PDE1C: variants seen among roughly 807,000 people sequenced by gnomAD.
PDE1C encodes the protein phosphodiesterase 1C.
In PDE1C, 62 loss-of-function variants were observed where a neutral mutation model predicts 93.1. The observed-to-expected ratio is 0.67, with a 90% CI of 0.54 to 0.82. The LOEUF (loss-of-function observed/expected upper bound fraction) is 0.82. PDE1C is among the 40% of genes least tolerant of loss of function. The pLI is 0.00. For missense variants in PDE1C, 742 were observed against 884.6 expected, an observed-to-expected ratio of 0.84 and a Z score of 2.04; for synonymous variants, 325 against 310.1, an observed-to-expected ratio of 1.05 and a Z score of -0.50.
At chr7:32,354,264 C>T (rs2128083388) in intron 1 of PDE1C, among the ~76,000 whole-genome samples, 1 of 152,210 alleles carries the variant, frequency 6.6e-6, no homozygotes, top group South Asian at 2.1e-4. Flanking sequence ...CTCTTTTTCC[C>T]TTCATCAATC....
At chr7:31,876,551 G>A (rs935035722) in intron 5 of PDE1C, among the ~76,000 whole-genome samples, 5 of 152,178 alleles carry the variant, frequency 3.3e-5, no homozygotes, top group East Asian at 1.9e-4. Flanking sequence ...TTATGTTCCC[G>A]ATAAAGGAAA....
chr7:32,170,759 C>T (rs1802594544), intron 2 of PDE1C, among the ~76,000 whole-genome samples: 1 of 152,100 alleles, frequency 6.6e-6, no homozygotes, highest in Non-Finnish European at 1.5e-5. Flanking sequence ...TCCCTTGTCG[C>T]CCCACTCTCC....
At chr7:32,059,821 A>C (rs2128706690) in intron 1 of PDE1C, among the ~76,000 whole-genome samples, 1 of 152,354 alleles carries the variant, frequency 6.6e-6, no homozygotes. Context: ...GAAAATAGAA[A>C]GCAAATGTCA....
chr7:31,635,571 C>G, the PDE1C span, among the ~76,000 whole-genome samples: 1 of 152,182 alleles, frequency 6.6e-6, no homozygotes, highest in African/African-American at 2.4e-5. Context: ...AGTTATATCA[C>G]AAGTATACCT....
chr7:31,719,008 G>A, the PDE1C span, among the ~76,000 whole-genome samples: 1 of 152,180 alleles, frequency 6.6e-6, no homozygotes, highest in African/African-American at 2.4e-5. Context: ...TGCAGGCAAA[G>A]GCAGGCTGAG....
Position 31,896,086 on chromosome 7 carries a change from A to G in PDE1C, c.129-15226T>C, listed in dbSNP as rs952076911. The stretch of plus-strand genomic sequence containing the variant: ...AGGGTGAGCTCATGAAGGTCAGGTC[A>G]TACATAGGAAGTAAAGAAACCTCAG... On this transcript the variant is annotated intron_variant, in intron 2 of 17. Coordinates refer to ENST00000396191, the MANE Select transcript of PDE1C (RefSeq NM_001191057.4). 2.0e-5 allele frequency among the ~76,000 whole-genome samples: 3 copies of G among 152,166 alleles called. No individual in the cohort carries two copies. In the East Asian group the frequency reaches 5.8e-4, roughly 29 times the overall value.
chr7:32,237,083 C>CTTT (rs34122130), intron 1 of PDE1C, among the ~76,000 whole-genome samples: 158 of 121,916 alleles, frequency 1.3e-3, no homozygotes, highest in African/African-American at 4.7e-3. Flanking sequence ...ATGTAATATT[C>CTTT]TTTTTTTTTT....
At chr7:31,850,040 C>T (rs905987180) in intron 8 of PDE1C, among the ~76,000 whole-genome samples, 3 of 151,962 alleles carry the variant, frequency 2.0e-5, no homozygotes, top group Admixed American at 2.0e-4. Flanking sequence ...TTAATGTCTC[C>T]GACGGGAGGT....
chr7:32,005,578 A>AAAAAAAAAAAAAAAAAAAAAAC lies in PDE1C; in HGVS notation c.128+45975_128+45976insGTTTTTTTTTTTTTTTTTTTTT, dbSNP rs1204630246. On this transcript the variant is annotated intron_variant, in intron 2 of 17. Transcript: ENST00000396191. Reference sequence around the variant, plus strand: ...TTCAAAAAAAAAAAAAAAAAAAAAAAAAAGAATTGTGATCTGAGAAATCAC... The same window carrying AAAAAAAAAAAAAAAAAAAAAAC: ...TTCAAAAAAAAAAAAAAAAAAAAAAAAAAAAAAAAAAAAAAAAAAAACAAAGAATTGTGATCTGAGAAATCAC... Among the ~76,000 whole-genome samples the AAAAAAAAAAAAAAAAAAAAAAC allele has an allele frequency of 7.7e-5, 8 of 103,712 alleles. 2 individuals carry two copies. Among genetic ancestry groups the AAAAAAAAAAAAAAAAAAAAAAC allele is most frequent in the Admixed American group, 1.9e-4 (2 of 10,504 alleles). The allele number at this position is 103,712 out of a possible 152,430, so 68.0% of individuals were successfully genotyped here.
intron 2 of PDE1C, among the ~76,000 whole-genome samples, chr7:32,183,274 T>C (rs1411322149): frequency 6.6e-6 from 1 of 152,196 alleles, no homozygotes; most frequent in Non-Finnish European, 1.5e-5. Flanking sequence ...TACCAATGAC[T>C]TTCTTCACAG....
chr7:32,208,622 G>T (rs993280476), intron 2 of PDE1C, among the ~76,000 whole-genome samples: 1 of 152,140 alleles, frequency 6.6e-6, no homozygotes, highest in Non-Finnish European at 1.5e-5. Context: ...TGATAAATCC[G>T]TTTCTATTTA....
At position 31,752,879 on chromosome 7, in the gene PDE1C, C is replaced by T. The variant is rs1794206656; in HGVS notation, c.*505G>A. The T allele has an allele frequency of 6.6e-6, 1 of 152,124 alleles. No individual in the cohort carries two copies. The highest frequency in any genetic ancestry group is 6.5e-5 in the Admixed American group (1 of 15,270). 9.4% of individuals were successfully genotyped at this position (152,124 alleles called of 1,614,324 possible). On this transcript the variant is annotated 3_prime_UTR_variant, in exon 18 of 18. Transcript: ENST00000396191. ...AGAAGCACAACTTCTGTTTTGAATA[C>T]ATTTACTTTGATAGTTACATATTTA...
At chr7:32,278,299 T>C (rs1457175215) in intron 1 of PDE1C, among the ~76,000 whole-genome samples, 2 of 151,898 alleles carry the variant, frequency 1.3e-5, no homozygotes, top group Non-Finnish European at 2.9e-5. Flanking sequence ...GGGAAAGAAC[T>C]GGAAATTAAA....
intron 1 of PDE1C, among the ~76,000 whole-genome samples, chr7:32,332,977 T>C (rs1034198190): frequency 6.6e-6 from 1 of 152,180 alleles, no homozygotes; most frequent in African/African-American, 2.4e-5. Flanking sequence ...AGAGTCCATT[T>C]CATGAAAACC....
intron 3 of PDE1C, among the ~76,000 whole-genome samples, chr7:32,083,611 A>G (rs376888477): frequency 2.0e-5 from 3 of 152,194 alleles, no homozygotes; most frequent in Non-Finnish European, 4.4e-5. Flanking sequence ...GAAAGGTCGG[A>G]TTACCCACAA....
intron 2 of PDE1C, among the ~76,000 whole-genome samples, chr7:32,176,909 G>A (rs1803034585): frequency 6.6e-6 from 1 of 152,204 alleles, no homozygotes. Flanking sequence ...GAAGCCTGTT[G>A]TGTTAGATTT....
intron 2 of PDE1C, among the ~76,000 whole-genome samples, chr7:31,937,208 A>G (rs1451456507): frequency 6.6e-6 from 1 of 152,156 alleles, no homozygotes; most frequent in Non-Finnish European, 1.5e-5. Context: ...GACTCTGGAA[A>G]AAAACTAGTA....
chr7:32,055,781 C>A (rs548521413), intron 1 of PDE1C, among the ~76,000 whole-genome samples: 1 of 152,186 alleles, frequency 6.6e-6, no homozygotes. Flanking sequence ...AGCGCAGTGG[C>A]GCAATCTCGG....
At chr7:32,071,042 C>T (rs796972696), upstream of PDE1C, 1 of 985,420 alleles carries the variant, frequency 1.0e-6, no homozygotes, top group South Asian at 4.7e-5. Context: ...AGCGCCCGGG[C>T]TGGTGTCTGG....
Sources: allele counts gnomAD v4.1 joint callset (sites outside exome capture counted in the v4.1 genomes callset), GRCh38; gene constraint gnomAD v4.1.1; transcripts MANE v1.5; gene names NCBI Gene and HGNC (gene_info 2026-07-23, HGNC 2026-07-21).